The following SBNO1 variants were observed in gnomAD, a reference collection of about 807,000 sequenced individuals.
SBNO1 encodes the protein protein strawberry notch homolog 1.
A neutral mutation model predicts 173.6 loss-of-function variants in SBNO1; 23 were observed. The ratio of observed to expected loss-of-function variants is 0.13; its 90% CI spans 0.10 to 0.19. SBNO1 has a LOEUF of 0.19. Ranked by LOEUF, SBNO1 falls within the 10% of genes least tolerant of loss-of-function variation. SBNO1 has a pLI of 1.00. For missense variants in SBNO1, 1,238 were observed against 1,671.2 expected, an observed-to-expected ratio of 0.74 and a Z score of 4.52; for synonymous variants, 632 against 571.5, an observed-to-expected ratio of 1.11 and a Z score of -1.51.
chr12:123,303,907 T>C (rs190425286), intron 29 of SBNO1, among the ~76,000 whole-genome samples: 1 of 148,474 alleles, frequency 6.7e-6, no homozygotes, highest in East Asian at 2.0e-4. Flanking sequence ...TTCAATATAT[T>C]ATAAAATAAG....
At chr12:123,350,134 G>A (rs1873706410) in intron 2 of SBNO1, among the ~76,000 whole-genome samples, 176 bp downstream of exon 2, 1 of 151,826 alleles carries the variant, frequency 6.6e-6, no homozygotes, top group Admixed American at 6.6e-5. Flanking sequence ...CGTGCCTATA[G>A]TCCCAGCTAC....
chr12:123,325,880 G>T (rs534597007), intron 14 of SBNO1, among the ~76,000 whole-genome samples: 1 of 152,052 alleles, frequency 6.6e-6, no homozygotes, highest in Non-Finnish European at 1.5e-5. Flanking sequence ...AATATTCACC[G>T]AAAAGAAAAA....
chr12:123,362,740 G>A (rs1279609703), intron 1 of SBNO1, among the ~76,000 whole-genome samples: 1 of 128,720 alleles, frequency 7.8e-6, no homozygotes, highest in African/African-American at 3.0e-5. Flanking sequence ...CTACACTCCA[G>A]CCTGGGCAAC....
chr12:123,316,096 C>A (rs1057432287), intron 21 of SBNO1, among the ~76,000 whole-genome samples: 3 of 152,126 alleles, frequency 2.0e-5, no homozygotes, highest in African/African-American at 7.2e-5. Context: ...ATTCCCACCA[C>A]ATATATATTT....
intron 16 of SBNO1, among the ~76,000 whole-genome samples, chr12:123,323,114 C>T (rs1171509463): frequency 6.6e-6 from 1 of 152,042 alleles, no homozygotes; most frequent in Non-Finnish European, 1.5e-5. Flanking sequence ...TCGTATGGAC[C>T]TCTGCCAGGT....
At chr12:123,350,213 C>T in intron 2 of SBNO1, 97 bp downstream of exon 2, 1 of 1,391,682 alleles carries the variant, frequency 7.2e-7, no homozygotes, top group Non-Finnish European at 1.0e-6. Context: ...ATGACTGCAC[C>T]ACTGCACCCC....
intron 15 of SBNO1, among the ~76,000 whole-genome samples, chr12:123,324,357 T>C (rs1870357775): frequency 6.6e-6 from 1 of 151,670 alleles, no homozygotes; most frequent in Non-Finnish European, 1.5e-5. Flanking sequence ...CGAGTCTCTC[T>C]GTCACCCAGG....
intron 17 of SBNO1, 75 bp from the exon 18 acceptor site, chr12:123,320,941 GA>G: frequency 8.1e-7 from 1 of 1,230,306 alleles, no homozygotes; most frequent in Non-Finnish European, 1.1e-6. Context: ...AACAACCTTT[GA>G]AATTTTATTT....
chr12:123,319,790 C>T, intron 20 of SBNO1, 110 bp downstream of exon 20: 1 of 886,228 alleles, frequency 1.1e-6, no homozygotes, highest in Non-Finnish European at 1.8e-6. Context: ...TACAGAATGA[C>T]AATACTCAAT....
At chr12:123,297,432 C>T (rs1050284478) in intron 31 of SBNO1, among the ~76,000 whole-genome samples, 1 of 33,584 alleles carries the variant, frequency 3.0e-5, no homozygotes, top group African/African-American at 6.4e-5. Flanking sequence ...ATTCCATAGA[C>T]TGACTTTGGC....
chr12:123,338,245 T>C (rs772977968), intron 5 of SBNO1, among the ~76,000 whole-genome samples: 8 of 152,186 alleles, frequency 5.3e-5, no homozygotes, highest in Admixed American at 6.5e-5. Context: ...CAAAATACCA[T>C]GAAGGCCAAA....
At chr12:123,321,894 T>C (rs1870016213) in intron 16 of SBNO1, among the ~76,000 whole-genome samples, 162 bp from the exon 17 acceptor site, 1 of 152,218 alleles carries the variant, frequency 6.6e-6, no homozygotes, top group South Asian at 2.1e-4. Context: ...CACTAACCTT[T>C]TGGACTCCCA....
chr12:123,344,901 T>G (rs1194460481), intron 4 of SBNO1, among the ~76,000 whole-genome samples: 1 of 152,182 alleles, frequency 6.6e-6, no homozygotes, highest in African/African-American at 2.4e-5. Flanking sequence ...AATCAGATTC[T>G]GCTTTCAAAC....
intron 31 of SBNO1, among the ~76,000 whole-genome samples, chr12:123,297,418 A>AAAAAAAAAAAAAAAAAAAAAAAAAAAC (rs2048644338): frequency 6.9e-6 from 1 of 145,866 alleles, no homozygotes; most frequent in African/African-American, 2.5e-5. Context: ...AAAAAAAAAA[A>AAAAAAAAAAAAAAAAAAAAAAAAAAAC]AAAATTCCAT....
chr12:123,340,592 A>AAG lies in SBNO1; in HGVS notation c.651+395_651+396insCT, dbSNP rs1307999656. 1.4e-3 allele frequency among the ~76,000 whole-genome samples: 214 copies of AAG among 150,824 alleles called. 3 individuals are homozygous for AAG. Among genetic ancestry groups the AAG allele is most frequent in the African/African-American group, 4.9e-3 (202 of 40,820 alleles). On this transcript the variant is annotated intron_variant, in intron 5 of 31. Transcript: ENST00000602398. ...GTAAGACTCTGTCTCAAAAAAAAAA[A>AAG]AAAAAAAAAAAAAGAATCACTCATA...
chr12:123,336,553 C>A, intron 5 of SBNO1, 62 bp from the exon 6 acceptor site: 8 of 1,000,330 alleles, frequency 8.0e-6, no homozygotes, highest in Non-Finnish European at 1.2e-5. Flanking sequence ...AGCCAACACA[C>A]AGAAAAACTC....
In SBNO1 at chr12:123,334,158, A is replaced by G. The variant is rs779954615; in HGVS notation, c.804T>C (p.Ser268=). Residue 268 remains serine (S), a synonymous_variant, in exon 7 of 32, where the codon AGT becomes AGC. Transcript: ENST00000602398. ...TGTACCAAACATCAGGAGGAGTAACACTGGATAAAGAGCTGGTTTCCACTA... is the reference window on the plus strand; with the variant it reads ...TGTACCAAACATCAGGAGGAGTAACGCTGGATAAAGAGCTGGTTTCCACTA... ...DAVVETSSLS[S]VTPPDVWYKT... is the part of the protein sequence containing the mutation. 2.5e-6 allele frequency: 4 copies of G among 1,602,880 alleles called. No individual in the cohort carries two copies. The highest frequency in any genetic ancestry group is 1.7e-5 in the Admixed American group (1 of 58,526).
In SBNO1 at chr12:123,327,889, C is replaced by T. The variant is rs1383559606; in HGVS notation, c.1432+3G>A. On this transcript the variant is annotated splice_donor_region_variant and intron_variant, in intron 11 of 31. Coordinates refer to ENST00000602398, the MANE Select transcript of SBNO1 (RefSeq NM_001167856.3). ...ATATATTTTTAAATAAATAAATACT[C>T]ACCAGTTGCACTAGCATAAACAACT... 1.2e-6 allele frequency: 2 copies of T among 1,604,498 alleles called. No individual in the cohort carries two copies. The highest frequency in any genetic ancestry group is 2.2e-5 in the East Asian group (1 of 44,798).
intron 3 of SBNO1, among the ~76,000 whole-genome samples, chr12:123,346,188 G>A (rs1873112925): frequency 6.6e-6 from 1 of 152,130 alleles, no homozygotes; most frequent in African/African-American, 2.4e-5. Flanking sequence ...GGGTGACACA[G>A]GAGGTTCACT....
Sources: allele counts gnomAD v4.1 joint callset (sites outside exome capture counted in the v4.1 genomes callset), GRCh38; gene constraint gnomAD v4.1.1; transcripts MANE v1.5; gene names NCBI Gene and HGNC (gene_info 2026-07-23, HGNC 2026-07-21).